CNTN4: variants seen among roughly 807,000 people sequenced by gnomAD.
CNTN4 encodes contactin 4.
Under a neutral mutation model 122.5 loss-of-function variants are expected in CNTN4, and 77 were observed. That is an observed-to-expected ratio of 0.63 (90% confidence interval 0.52 to 0.76). The LOEUF (loss-of-function observed/expected upper bound fraction) is 0.76, where lower values mean the gene tolerates loss of function less well. Ranked by LOEUF, CNTN4 falls within the 30% of genes least tolerant of loss-of-function variation. The probability of loss-of-function intolerance (pLI) is 0.00; values close to 1 mark genes in which losing one functional copy is unlikely to be tolerated. For missense variants in CNTN4, 1,256 were observed against 1,259.1 expected (o/e 1.00, Z 0.04); for synonymous variants, 512 against 447.0 (o/e 1.15, Z -1.83).
intron 3 of CNTN4, among the ~76,000 whole-genome samples, chr3:2,462,309 A>G (rs959063672): frequency 1.3e-5 from 2 of 152,172 alleles, no homozygotes; most frequent in Non-Finnish European, 2.9e-5. Flanking sequence ...CCTCATAAGG[A>G]TAAAGACTAG....
At chr3:2,502,854 A>G (rs778353388) in intron 3 of CNTN4, among the ~76,000 whole-genome samples, 2 of 152,146 alleles carry the variant, frequency 1.3e-5, no homozygotes, top group Non-Finnish European at 2.9e-5. Context: ...TCTTAGTAAC[A>G]GTGCTTTTAT....
At chr3:2,715,876 G>C (rs1329403649) in intron 4 of CNTN4, among the ~76,000 whole-genome samples, 5 of 152,134 alleles carry the variant, frequency 3.3e-5, no homozygotes, top group Non-Finnish European at 7.4e-5. Context: ...GGCATACTGG[G>C]GGTCAGGATA....
chr3:2,354,999 C>A (rs2044807827), intron 3 of CNTN4, among the ~76,000 whole-genome samples: 1 of 152,154 alleles, frequency 6.6e-6, no homozygotes, highest in Non-Finnish European at 1.5e-5. Context: ...TCATAGCCTC[C>A]CAGTGGATAA....
At chr3:2,257,905 A>G (rs1015879761) in intron 2 of CNTN4, among the ~76,000 whole-genome samples, 2 of 152,186 alleles carry the variant, frequency 1.3e-5, no homozygotes, top group African/African-American at 4.8e-5. Context: ...TCTACTAAAA[A>G]TACAAAAATT....
At chr3:2,352,068 T>C (rs1387068748) in intron 3 of CNTN4, among the ~76,000 whole-genome samples, 2 of 152,212 alleles carry the variant, frequency 1.3e-5, no homozygotes, top group Non-Finnish European at 1.5e-5. Context: ...CATAAGTGTA[T>C]ACAATTATGA....
At chr3:2,140,196 C>T (rs1360791812) in intron 2 of CNTN4, among the ~76,000 whole-genome samples, 1 of 152,176 alleles carries the variant, frequency 6.6e-6, no homozygotes, top group East Asian at 1.9e-4. Flanking sequence ...TTATAAATTA[C>T]CCAGCCTCAG....
intron 13 of CNTN4, among the ~76,000 whole-genome samples, chr3:2,975,434 T>A (rs115745054): frequency 0.012 from 1,783 of 152,294 alleles, 11 homozygotes; most frequent in Non-Finnish European, 0.017. Flanking sequence ...CTGGATTTCA[T>A]TTTTCTTAAC....
intron 10 of CNTN4, among the ~76,000 whole-genome samples, chr3:2,888,692 T>C (rs2094005210): frequency 6.6e-6 from 1 of 152,086 alleles, no homozygotes; most frequent in Non-Finnish European, 1.5e-5. Context: ...TCATGGCTTC[T>C]GTGTATGAAA....
At chr3:2,321,748 G>C (rs547614184) in intron 2 of CNTN4, among the ~76,000 whole-genome samples, 2 of 151,886 alleles carry the variant, frequency 1.3e-5, no homozygotes, top group South Asian at 4.2e-4. Flanking sequence ...GTCATTTGTG[G>C]TCACATAAAC....
intron 2 of CNTN4, among the ~76,000 whole-genome samples, chr3:2,165,245 C>A (rs1292437444): frequency 6.6e-6 from 1 of 151,874 alleles, no homozygotes; most frequent in African/African-American, 2.4e-5. Flanking sequence ...ATTGCTTGAA[C>A]CCAGGAGGCA....
At chr3:2,809,302 A>G (rs746786360) in intron 6 of CNTN4, among the ~76,000 whole-genome samples, 43 of 152,220 alleles carry the variant, frequency 2.8e-4, no homozygotes, top group Non-Finnish European at 2.2e-4. Context: ...TAAAGGCTAA[A>G]CATGATAAGC....
Position 2,904,626 on chromosome 3 carries a change from C to G in CNTN4, c.1207+1621C>G, listed in dbSNP as rs186193280. 1.6e-4 allele frequency among the ~76,000 whole-genome samples: 25 copies of G among 152,306 alleles called. No homozygotes were observed. In the East Asian group the frequency reaches 4.4e-3, roughly 27 times the overall value. ...AATATTAGGAACAATAATTTTCAAC[C>G]CCTTCCAGGACACATATGATGATTC... On this transcript the variant is annotated intron_variant, in intron 12 of 24. Coordinates refer to ENST00000418658, the MANE Select transcript of CNTN4 (RefSeq NM_175607.3).
chr3:2,189,397 T>C (rs933882568), intron 2 of CNTN4, among the ~76,000 whole-genome samples: 3 of 152,158 alleles, frequency 2.0e-5, no homozygotes, highest in Non-Finnish European at 4.4e-5. Flanking sequence ...GCTGAAGAAC[T>C]CAGCAGATCT....
chr3:2,643,646 T>G lies in CNTN4; in HGVS notation c.55+72088T>G, dbSNP rs547505381. Reference sequence around the variant, plus strand: ...TTACCTTTCAGGTGGAGAAGACACATAAACAAGCCAACATCAGTGGCATAT... The same window carrying G: ...TTACCTTTCAGGTGGAGAAGACACAGAAACAAGCCAACATCAGTGGCATAT... On this transcript the variant is annotated intron_variant, in intron 4 of 24. Transcript: ENST00000418658. Among the ~76,000 whole-genome samples the G allele has an allele frequency of 1.9e-4, 29 of 152,230 alleles. No homozygotes were observed. The South Asian group carries it at 6.0e-3, about 32-fold the overall frequency.
At chr3:2,923,909 T>G (rs2151356104) in intron 12 of CNTN4, among the ~76,000 whole-genome samples, 1 of 152,290 alleles carries the variant, frequency 6.6e-6, no homozygotes, top group South Asian at 2.1e-4. Flanking sequence ...TTGCATGATT[T>G]TGCAGACCAT....
intron 3 of CNTN4, among the ~76,000 whole-genome samples, chr3:2,427,900 C>CT (rs554723332): frequency 0.068 from 10,268 of 151,778 alleles, 502 homozygotes; most frequent in Non-Finnish European, 0.1. Flanking sequence ...CAACCCCTGC[C>CT]TTTTTTTGTT....
At chr3:2,252,119 C>G (rs1213339229) in intron 2 of CNTN4, among the ~76,000 whole-genome samples, 1 of 151,930 alleles carries the variant, frequency 6.6e-6, no homozygotes, top group Non-Finnish European at 1.5e-5. Flanking sequence ...CAGATACGCA[C>G]TGATTTAATG....
chr3:2,300,617 G>C (rs1301388949), intron 2 of CNTN4, among the ~76,000 whole-genome samples: 1 of 136,614 alleles, frequency 7.3e-6, no homozygotes, highest in East Asian at 2.1e-4. Context: ...CTGTCTCCAG[G>C]CTGGAGTGCA....
intron 13 of CNTN4, among the ~76,000 whole-genome samples, chr3:2,939,187 A>G (rs2094591479): frequency 1.3e-5 from 2 of 152,324 alleles, no homozygotes; most frequent in South Asian, 4.1e-4. Flanking sequence ...TCTACTAGTA[A>G]ATATCCATCA....
Sources: allele counts gnomAD v4.1 joint callset (sites outside exome capture counted in the v4.1 genomes callset), GRCh38; gene constraint gnomAD v4.1.1; transcripts MANE v1.5; gene names NCBI Gene and HGNC (gene_info 2026-07-23, HGNC 2026-07-21).